RRP15: variants seen among roughly 807,000 people sequenced by gnomAD.
RRP15 encodes the protein RRP15-like protein.
RRP15 carries 18 observed loss-of-function variants against 27.1 expected under a neutral mutation model. The observed-to-expected ratio is 0.66, with a 90% CI of 0.46 to 0.98. The LOEUF (loss-of-function observed/expected upper bound fraction) is 0.98, where lower values mean the gene tolerates loss of function less well. RRP15 is among the 50% of genes least tolerant of loss of function. The pLI is 0.00. For synonymous variants in RRP15, 107 were observed against 109.4 expected (o/e 0.98, Z 0.14); for missense variants, 359 against 337.8 (o/e 1.06, Z -0.49).
intron 2 of RRP15, among the ~76,000 whole-genome samples, chr1:218,304,794 C>G (rs1429199230): frequency 6.6e-6 from 1 of 152,120 alleles, no homozygotes; most frequent in Non-Finnish European, 1.5e-5. Context: ...CTCTCCAGGC[C>G]CCTGCTGTCA....
intron 4 of RRP15, among the ~76,000 whole-genome samples, chr1:218,327,247 G>C (rs554592590): frequency 6.6e-6 from 1 of 152,200 alleles, no homozygotes; most frequent in East Asian, 1.9e-4. Context: ...TTCTTTCTAC[G>C]TGTGTCTTTA....
chr1:218,305,163 C>A, intron 3 of RRP15, 38 bp downstream of exon 3: 1 of 1,464,522 alleles, frequency 6.8e-7, no homozygotes, highest in Non-Finnish European at 9.5e-7. Flanking sequence ...AATAAGTATA[C>A]TAAAGCTATC....
intron 1 of RRP15, chr1:218,302,016 G>T: frequency 2.7e-6 from 1 of 365,428 alleles, no homozygotes; most frequent in Non-Finnish European, 4.9e-6. Context: ...ATAAGGACGT[G>T]GCAGAGGCTG....
chr1:218,289,292 A>G (rs1655597422), intron 1 of RRP15, among the ~76,000 whole-genome samples: 1 of 152,182 alleles, frequency 6.6e-6, no homozygotes, highest in Admixed American at 6.5e-5. Flanking sequence ...TGGCATTTCT[A>G]TTTTACAGAT....
intron 1 of RRP15, among the ~76,000 whole-genome samples, chr1:218,286,408 G>C (rs1236229321): frequency 7.2e-5 from 11 of 152,094 alleles, no homozygotes; most frequent in Admixed American, 3.9e-4. Context: ...CCGCTGCCTA[G>C]AATAGTTTTC....
chr1:218,336,249 A>AAC lies in RRP15; in HGVS notation c.*5178_*5179dup, dbSNP rs145972776. 7,163 of 150,642 alleles carry AAC rather than the reference A, an allele frequency of 0.048. 210 individuals are homozygous for AAC. The highest frequency in any genetic ancestry group is 0.078 in the African/African-American group (3,218 of 41,176). 9.3% of individuals were successfully genotyped at this position (150,642 alleles called of 1,614,324 possible). A position where few individuals can be genotyped will look rare whatever the true frequency, so the allele number is the denominator to read the frequency against. Reference sequence around the variant, plus strand: ...AAATGTAGGTTGCAGATTCAGGCAAAACACACACACACACACACACAAAAC... The same window carrying AAC: ...AAATGTAGGTTGCAGATTCAGGCAAAACACACACACACACACACACACAAAAC... On this transcript the variant is annotated 3_prime_UTR_variant, in exon 5 of 5. Transcript: ENST00000366932.
chr1:218,328,316 G>A (rs1279287824), intron 4 of RRP15, among the ~76,000 whole-genome samples: 1 of 152,186 alleles, frequency 6.6e-6, no homozygotes, highest in Non-Finnish European at 1.5e-5. Flanking sequence ...ATTTTAATTA[G>A]TGAATTCCTT....
intron 1 of RRP15, among the ~76,000 whole-genome samples, chr1:218,297,284 G>A (rs1655736204): frequency 6.6e-6 from 1 of 152,072 alleles, no homozygotes. Flanking sequence ...CACCTCACAT[G>A]AATTCAAGAT....
chr1:218,294,152 C>T (rs1297357551), intron 1 of RRP15, among the ~76,000 whole-genome samples: 1 of 152,104 alleles, frequency 6.6e-6, no homozygotes, highest in Non-Finnish European at 1.5e-5. Context: ...TCTATTTTCT[C>T]ACTCAGCCAC....
intron 1 of RRP15, among the ~76,000 whole-genome samples, chr1:218,288,944 C>T (rs1354355514): frequency 2.6e-5 from 4 of 152,238 alleles, no homozygotes; most frequent in Admixed American, 2.6e-4. Flanking sequence ...ATAAGAGGCA[C>T]CTGTGATGGT....
chr1:218,294,176 T>A (rs1378634982), intron 1 of RRP15, among the ~76,000 whole-genome samples: 1 of 152,128 alleles, frequency 6.6e-6, no homozygotes, highest in East Asian at 1.9e-4. Flanking sequence ...ACAGCAACAA[T>A]CATCACAGAA....
chr1:218,312,846 T>C lies in RRP15; in HGVS notation c.705+5214T>C, dbSNP rs148920373. 3.0e-3 allele frequency among the ~76,000 whole-genome samples: 463 copies of C among 152,328 alleles called. 5 individuals are homozygous for C. The highest frequency in any genetic ancestry group is 0.011 in the African/African-American group (441 of 41,582). On this transcript the variant is annotated intron_variant, in intron 4 of 4. Coordinates refer to ENST00000366932, the MANE Select transcript of RRP15 (RefSeq NM_016052.4). ...CCTGCCAGTTCTGTAATTTTTCAGA[T>C]TCCTTATAGTTTTCTTTCCTGTTTT...
chr1:218,302,715 T>G (rs184166100), intron 2 of RRP15, 156 bp downstream of exon 2: 2 of 1,176,794 alleles, frequency 1.7e-6, no homozygotes, highest in East Asian at 4.9e-5. Flanking sequence ...TTTAGGAATT[T>G]AGTCTAAATT....
chr1:218,334,927 T>A lies in RRP15; in HGVS notation c.*3836T>A, dbSNP rs909014362. On this transcript the variant is annotated 3_prime_UTR_variant, in exon 5 of 5. Transcript: ENST00000366932. ...TTGCAGCACTGGTAGTCCTGGTAAA[T>A]TTTTTCAGTGGGCGAGCTTTTCTGA... is the stretch of plus-strand genomic sequence containing the variant. 6.6e-6 allele frequency: 1 copy of A among 152,160 alleles called. No homozygotes were observed. Among genetic ancestry groups the A allele is most frequent in the African/African-American group, 2.4e-5 (1 of 41,436 alleles). The allele number at this position is 152,160 out of a possible 1,614,324, so 9.4% of individuals were successfully genotyped here. A position where few individuals can be genotyped will look rare whatever the true frequency, so the allele number is the denominator to read the frequency against.
chr1:218,323,618 C>A (rs1244397440), intron 4 of RRP15, among the ~76,000 whole-genome samples: 1 of 152,216 alleles, frequency 6.6e-6, no homozygotes, highest in African/African-American at 2.4e-5. Flanking sequence ...CCCCTTCTAC[C>A]CAGAAGCCTG....
At chr1:218,323,162 G>T (rs930561697) in intron 4 of RRP15, among the ~76,000 whole-genome samples, 1 of 152,242 alleles carries the variant, frequency 6.6e-6, no homozygotes, top group African/African-American at 2.4e-5. Context: ...AAGGGCTGCA[G>T]CTCTTCTCTC....
At chr1:218,285,554 G>T (rs1655532299) in intron 1 of RRP15, 99 bp downstream of exon 1, 1 of 1,524,338 alleles carries the variant, frequency 6.6e-7, no homozygotes, top group East Asian at 2.3e-5. Context: ...AGCCACCTGG[G>T]TTTTATCTTG....
At chr1:218,309,172 A>T (rs997004875) in intron 4 of RRP15, among the ~76,000 whole-genome samples, 8 of 152,204 alleles carry the variant, frequency 5.3e-5, no homozygotes, top group Non-Finnish European at 8.8e-5. Flanking sequence ...TTGAGACTTA[A>T]GCCAAAGTGA....
intron 4 of RRP15, among the ~76,000 whole-genome samples, chr1:218,309,459 C>T (rs1345136263): frequency 1.3e-5 from 2 of 151,922 alleles, no homozygotes; most frequent in Non-Finnish European, 1.5e-5. Flanking sequence ...CCAAGGTGGG[C>T]GGATCACGAG....
Sources: allele counts gnomAD v4.1 joint callset (sites outside exome capture counted in the v4.1 genomes callset), GRCh38; gene constraint gnomAD v4.1.1; transcripts MANE v1.5; gene names NCBI Gene and HGNC (gene_info 2026-07-23, HGNC 2026-07-21).